The following GANC variants were observed in gnomAD, a reference collection of about 807,000 sequenced individuals.
GANC encodes the protein glucosidase alpha, neutral C.
Under a neutral mutation model 124.2 loss-of-function variants are expected in GANC, and 117 were observed. The observed-to-expected ratio is 0.94, with a 90% CI of 0.81 to 1.10. GANC has a LOEUF of 1.10. GANC is among the 50% of genes least tolerant of loss of function. The pLI, the probability that GANC is intolerant of heterozygous loss-of-function variation, is 0.00. For synonymous variants in GANC, 377 were observed against 376.8 expected, an observed-to-expected ratio of 1.00 and a Z score of -0.01; for missense variants, 1,140 against 1,095.0, an observed-to-expected ratio of 1.04 and a Z score of -0.58.
At chr15:42,276,114 T>G (rs542957977) in intron 1 of GANC, among the ~76,000 whole-genome samples, 1 of 152,328 alleles carries the variant, frequency 6.6e-6, no homozygotes, top group Non-Finnish European at 1.5e-5. Context: ...CCATTACTTT[T>G]GGAGTAATCC....
Position 42,292,809 on chromosome 15 carries a change from C to T in GANC, c.404C>T (p.Thr135Ile), listed in dbSNP as rs1380320505. The T allele has an allele frequency of 1.2e-6, 2 of 1,614,118 alleles. No homozygotes were observed. The highest frequency in any genetic ancestry group is 1.3e-5 in the African/African-American group (1 of 75,042). The change falls in exon 5 of 24, where the codon ACA (threonine) becomes ATA (isoleucine). Residue 135 changes from threonine to isoleucine, a missense_variant. Transcript: ENST00000318010. ...DGKGDLKCHI[T>I]ANPFKVDLVS... ...AAAGGAGACCTGAAGTGCCATATCA[C>T]AGCAAACCCATTCAAGGTAGACTTG... is the stretch of plus-strand genomic sequence containing the variant.
In GANC at chr15:42,310,274, G is replaced by A. The variant is rs2052037580; in HGVS notation, c.723-9G>A. 6.4e-7 allele frequency: 1 copy of A among 1,568,226 alleles called. No individual in the cohort carries two copies. Among genetic ancestry groups the A allele is most frequent in the African/African-American group, 1.4e-5 (1 of 73,502 alleles). Reference sequence around the variant, plus strand: ...GTGATGGTAATTGATGATAATCTTTGTGTTTCAGTGATGGAGATGCTTACC... The same window carrying A: ...GTGATGGTAATTGATGATAATCTTTATGTTTCAGTGATGGAGATGCTTACC... On this transcript the variant is annotated splice_polypyrimidine_tract_variant and intron_variant, in intron 8 of 23. Coordinates refer to ENST00000318010, the MANE Select transcript of GANC (RefSeq NM_198141.3).
At chr15:42,322,536 T>C (rs2052168659) in intron 11 of GANC, among the ~76,000 whole-genome samples, 1 of 152,096 alleles carries the variant, frequency 6.6e-6, no homozygotes, top group African/African-American at 2.4e-5. Context: ...TTAGATAGTT[T>C]GAACCCCCTG....
At chr15:42,329,584 T>G in intron 14 of GANC, 135 bp downstream of exon 14, 1 of 779,286 alleles carries the variant, frequency 1.3e-6, no homozygotes, top group Non-Finnish European at 1.9e-6. Context: ...CTGCAATGAG[T>G]CTTAGGTAGT....
chr15:42,353,275 T>G lies in GANC; in HGVS notation c.*1136T>G. On this transcript the variant is annotated 3_prime_UTR_variant, in exon 24 of 24. Coordinates refer to ENST00000318010, the MANE Select transcript of GANC (RefSeq NM_198141.3). ...CCTCTTCTTATCAGGCTTCCTCCAC[T>G]TAGCAACTTGCTAACGGCCACCTCT... The G allele has an allele frequency of 1.0e-6, 1 of 985,998 alleles. No individual in the cohort carries two copies. Among genetic ancestry groups the G allele is most frequent in the Non-Finnish European group, 1.2e-6 (1 of 830,092 alleles). The allele number at this position is 985,998 out of a possible 1,614,324, so 61.1% of individuals were successfully genotyped here.
At position 42,273,310 on chromosome 15, in the gene GANC, C is replaced by T; in HGVS notation, c.-1172C>T. 1.2e-6 allele frequency: 2 copies of T among 1,614,154 alleles called. No individual in the cohort carries two copies. The highest frequency in any genetic ancestry group is 1.7e-5 in the Admixed American group (1 of 60,022). On this transcript the variant is annotated 5_prime_UTR_variant, in exon 1 of 24. Transcript: ENST00000318010. ...GTCGGCAGCAGCTACGGTTGCCGGT[C>T]CCGCACTGAAAAACGACAGTGGTGA...
At chr15:42,317,867 C>T (rs762630605) in intron 10 of GANC, among the ~76,000 whole-genome samples, 1 of 152,192 alleles carries the variant, frequency 6.6e-6, no homozygotes, top group Non-Finnish European at 1.5e-5. Context: ...TATGATAAAG[C>T]ACTTCCAAAA....
intron 15 of GANC, among the ~76,000 whole-genome samples, chr15:42,332,008 G>T (rs889147781): frequency 2.0e-5 from 3 of 151,948 alleles, no homozygotes; most frequent in Non-Finnish European, 4.4e-5. Context: ...CAGAGTAATT[G>T]GGATATCTAT....
intron 16 of GANC, 52 bp downstream of exon 16, chr15:42,338,542 GTT>G: frequency 7.8e-7 from 1 of 1,289,858 alleles, no homozygotes; most frequent in Non-Finnish European, 1.1e-6. Context: ...AAATGAGGGT[GTT>G]TTCATCAAAG....
At chr15:42,320,342 A>G (rs765740145) in intron 10 of GANC, among the ~76,000 whole-genome samples, 15 of 152,132 alleles carry the variant, frequency 9.9e-5, no homozygotes, top group Non-Finnish European at 2.1e-4. Flanking sequence ...TAGAGATACT[A>G]ATGATAATGT....
intron 3 of GANC, among the ~76,000 whole-genome samples, chr15:42,281,608 C>T (rs555028529): frequency 6.6e-6 from 1 of 152,170 alleles, no homozygotes; most frequent in Non-Finnish European, 1.5e-5. Context: ...TCACTTGACC[C>T]TGGGAGGCAG....
intron 11 of GANC, among the ~76,000 whole-genome samples, chr15:42,325,446 A>G (rs2918460): frequency 0.81 from 122,735 of 152,166 alleles, 52,126 homozygotes; most frequent in Non-Finnish European, 0.95. Context: ...GTAAAGTCAC[A>G]GAGAGATGCT....
intron 10 of GANC, among the ~76,000 whole-genome samples, chr15:42,320,072 T>A (rs1401439970): frequency 6.6e-6 from 1 of 152,158 alleles, no homozygotes; most frequent in Non-Finnish European, 1.5e-5. Flanking sequence ...TAGTCCCAGC[T>A]ACTCGGGAGG....
chr15:42,312,935 G>A (rs375142061), intron 10 of GANC, among the ~76,000 whole-genome samples: 1,299 of 47,972 alleles, frequency 0.027, 19 homozygotes, highest in African/African-American at 0.067. Flanking sequence ...GCAAGACTCC[G>A]TCTCAAAAAA....
At chr15:42,287,654 T>G (rs1267151577) in intron 3 of GANC, 37 bp from the exon 4 acceptor site, 1 of 1,591,278 alleles carries the variant, frequency 6.3e-7, no homozygotes, top group Non-Finnish European at 8.5e-7. Context: ...ATCACTTGGG[T>G]AACCTGTTGA....
rs377526345 is a variant in GANC, at chr15:42,345,988, G to A, written c.2304+156G>A. Among the ~76,000 whole-genome samples, 475 of 152,290 alleles carry A rather than the reference G, an allele frequency of 3.1e-3. 2 individuals are homozygous for A. Among genetic ancestry groups the A allele is most frequent in the South Asian group, 0.021 (102 of 4,822 alleles). On this transcript the variant is annotated intron_variant, in intron 20 of 23. Coordinates refer to ENST00000318010, the MANE Select transcript of GANC (RefSeq NM_198141.3). ...GAAGTTCCAGATCAAGGTGCCAGCC[G>A]ATTCTGTTCCTGGTGAGAGATCTTT...
At chr15:42,342,181 G>T in intron 18 of GANC, among the ~76,000 whole-genome samples, 1 of 152,154 alleles carries the variant, frequency 6.6e-6, no homozygotes, top group East Asian at 1.9e-4. Context: ...CATGCAGTAG[G>T]CACTCGAAAT....
At chr15:42,324,810 A>G (rs536192178) in intron 11 of GANC, among the ~76,000 whole-genome samples, 81 of 152,312 alleles carry the variant, frequency 5.3e-4, no homozygotes, top group South Asian at 1.9e-3. Flanking sequence ...AGGGAATGAG[A>G]AATCATCATT....
intron 6 of GANC, among the ~76,000 whole-genome samples, chr15:42,303,670 G>A (rs202132339): frequency 0.035 from 4,502 of 127,968 alleles, no homozygotes; most frequent in Non-Finnish European, 0.05. Flanking sequence ...TATTTACCAA[G>A]AAAAAAAAAA....
Sources: allele counts gnomAD v4.1 joint callset (sites outside exome capture counted in the v4.1 genomes callset), GRCh38; gene constraint gnomAD v4.1.1; transcripts MANE v1.5; gene names NCBI Gene and HGNC (gene_info 2026-07-23, HGNC 2026-07-21).